The following HS3ST4 variants were observed in gnomAD, a reference collection of about 807,000 sequenced individuals.
HS3ST4 encodes heparan sulfate glucosamine 3-O-sulfotransferase 4.
A neutral mutation model predicts 29.2 loss-of-function variants in HS3ST4; 17 were observed. That is an observed-to-expected ratio of 0.58 (90% CI 0.40 to 0.87). The LOEUF is 0.87. HS3ST4 is among the 40% of genes least tolerant of loss of function. The probability of loss-of-function intolerance (pLI) is 0.00; values close to 1 mark genes in which losing one functional copy is unlikely to be tolerated. For synonymous variants in HS3ST4, 314 were observed against 285.7 expected, an observed-to-expected ratio of 1.10 and a Z score of -1.00; for missense variants, 627 against 634.5, an observed-to-expected ratio of 0.99 and a Z score of 0.13.
At chr16:25,942,916 C>T (rs761027393) in intron 1 of HS3ST4, among the ~76,000 whole-genome samples, 1 of 152,136 alleles carries the variant, frequency 6.6e-6, no homozygotes, top group Non-Finnish European at 1.5e-5. Context: ...GCCACCATGC[C>T]CGGCCTGCCT....
At chr16:26,124,102 T>C in intron 1 of HS3ST4, among the ~76,000 whole-genome samples, 1 of 152,104 alleles carries the variant, frequency 6.6e-6, no homozygotes. Flanking sequence ...GTATTTTTAG[T>C]AGAGACGGGG....
At chr16:25,873,721 C>A (rs1364165637) in intron 1 of HS3ST4, among the ~76,000 whole-genome samples, 3 of 151,372 alleles carry the variant, frequency 2.0e-5, no homozygotes, top group African/African-American at 7.3e-5. Context: ...TCCATCTATC[C>A]ATCCATCCAG....
At chr16:25,722,073 G>T (rs147431343) in intron 1 of HS3ST4, among the ~76,000 whole-genome samples, 1 of 152,208 alleles carries the variant, frequency 6.6e-6, no homozygotes, top group Admixed American at 6.5e-5. Flanking sequence ...TTTTGGCAGC[G>T]TGTAGCCCAT....
At chr16:26,054,642 GACAGC>G (rs1451488037) in intron 1 of HS3ST4, among the ~76,000 whole-genome samples, 1 of 152,142 alleles carries the variant, frequency 6.6e-6, no homozygotes, top group Non-Finnish European at 1.5e-5. Context: ...ACTGGAGTGG[GACAGC>G]ACCAGGTCAT....
chr16:26,003,751 G>A (rs1368440782), intron 1 of HS3ST4, among the ~76,000 whole-genome samples: 2 of 152,152 alleles, frequency 1.3e-5, no homozygotes, highest in Admixed American at 6.6e-5. Context: ...TCTCTTTCGT[G>A]TTGGGGTGTT....
At chr16:25,948,413 A>G (rs1395659630) in intron 1 of HS3ST4, among the ~76,000 whole-genome samples, 3 of 152,002 alleles carry the variant, frequency 2.0e-5, no homozygotes, top group Non-Finnish European at 4.4e-5. Context: ...TAGCTTTGCA[A>G]TGTGATGGGG....
intron 1 of HS3ST4, among the ~76,000 whole-genome samples, chr16:25,816,592 TAAGAGTATG>T (rs1279959749): frequency 6.6e-6 from 1 of 152,238 alleles, no homozygotes; most frequent in East Asian, 1.9e-4. Context: ...GAATCAGAAC[TAAGAGTATG>T]AATCTCTGGT....
At chr16:25,723,979 C>T (rs1309274246) in intron 1 of HS3ST4, among the ~76,000 whole-genome samples, 1 of 151,852 alleles carries the variant, frequency 6.6e-6, no homozygotes, top group Non-Finnish European at 1.5e-5. Flanking sequence ...CTGGGTGTGT[C>T]GGCGGGTGCC....
intron 1 of HS3ST4, among the ~76,000 whole-genome samples, chr16:26,091,465 C>G (rs1178776473): frequency 2.6e-5 from 4 of 152,170 alleles, no homozygotes; most frequent in Non-Finnish European, 5.9e-5. Flanking sequence ...CCATCTGCTT[C>G]TTGCCGTTCC....
intron 1 of HS3ST4, among the ~76,000 whole-genome samples, chr16:26,064,356 AG>A (rs1331360584): frequency 1.3e-5 from 2 of 152,148 alleles, no homozygotes; most frequent in African/African-American, 4.8e-5. Flanking sequence ...TAGGGTATAG[AG>A]GGTAGAAGGG....
At chr16:25,798,812 C>T (rs1178063336) in intron 1 of HS3ST4, among the ~76,000 whole-genome samples, 1 of 152,176 alleles carries the variant, frequency 6.6e-6, no homozygotes, top group Non-Finnish European at 1.5e-5. Flanking sequence ...TCCCCTGGAG[C>T]CTGTAGTCCC....
At chr16:25,805,173 G>T (rs1048781353) in intron 1 of HS3ST4, among the ~76,000 whole-genome samples, 3 of 152,162 alleles carry the variant, frequency 2.0e-5, no homozygotes, top group African/African-American at 7.2e-5. Flanking sequence ...AGTAAAAAAG[G>T]ATTATAATCC....
intron 1 of HS3ST4, among the ~76,000 whole-genome samples, chr16:25,815,609 T>C (rs1967085990): frequency 6.6e-6 from 1 of 152,172 alleles, no homozygotes; most frequent in African/African-American, 2.4e-5. Context: ...AGGCATGAGC[T>C]ACTGTGCCCG....
chr16:25,779,249 G>A (rs767509150), intron 1 of HS3ST4, among the ~76,000 whole-genome samples: 4 of 152,194 alleles, frequency 2.6e-5, no homozygotes, highest in Non-Finnish European at 5.9e-5. Flanking sequence ...GTTACAGGGA[G>A]TAAGATCAAT....
intron 1 of HS3ST4, among the ~76,000 whole-genome samples, chr16:26,133,027 CG>C (rs1371451841): frequency 6.6e-6 from 1 of 152,110 alleles, no homozygotes; most frequent in Non-Finnish European, 1.5e-5. Context: ...CCTCCAGATC[CG>C]GAAGTGCAAT....
At chr16:26,110,393 T>C (rs1434282666) in intron 1 of HS3ST4, among the ~76,000 whole-genome samples, 1 of 152,184 alleles carries the variant, frequency 6.6e-6, no homozygotes, top group Admixed American at 6.5e-5. Flanking sequence ...ATCTCAAACA[T>C]ACCATGTGTG....
chr16:26,115,245 G>GT (rs1227938778), intron 1 of HS3ST4, among the ~76,000 whole-genome samples: 8 of 149,052 alleles, frequency 5.4e-5, no homozygotes, highest in African/African-American at 7.5e-5. Flanking sequence ...GTATGTGTGT[G>GT]TATATATATA....
At chr16:25,761,266 G>A (rs985623824) in intron 1 of HS3ST4, among the ~76,000 whole-genome samples, 1 of 152,194 alleles carries the variant, frequency 6.6e-6, no homozygotes, top group Admixed American at 6.5e-5. Flanking sequence ...CTCTGGACCT[G>A]CCCTGCTCAA....
chr16:25,899,793 T>C (rs1448629449), intron 1 of HS3ST4, among the ~76,000 whole-genome samples: 1 of 151,856 alleles, frequency 6.6e-6, no homozygotes, highest in East Asian at 1.9e-4. Context: ...AAAAACCCCA[T>C]GAGGACTTCT....
Sources: allele counts gnomAD v4.1 joint callset (sites outside exome capture counted in the v4.1 genomes callset), GRCh38; gene constraint gnomAD v4.1.1; transcripts MANE v1.5; gene names NCBI Gene and HGNC (gene_info 2026-07-23, HGNC 2026-07-21).